The following RFX3 variants were observed in gnomAD, a reference collection of about 807,000 sequenced individuals.
RFX3 encodes the protein regulatory factor X3.
A neutral mutation model predicts 98.6 loss-of-function variants in RFX3; 14 were observed. That is an observed-to-expected ratio of 0.14 (90% CI 0.09 to 0.22). The LOEUF (loss-of-function observed/expected upper bound fraction) is 0.22. RFX3 is among the 10% of genes least tolerant of loss of function. RFX3 has a pLI of 1.00. For synonymous variants in RFX3, 383 were observed against 328.4 expected, an observed-to-expected ratio of 1.17 and a Z score of -1.80; for missense variants, 639 against 926.9, an observed-to-expected ratio of 0.69 and a Z score of 4.03.
intron 4 of RFX3, among the ~76,000 whole-genome samples, chr9:3,307,920 T>C (rs1412250471): frequency 6.6e-6 from 1 of 152,126 alleles, no homozygotes; most frequent in Non-Finnish European, 1.5e-5. Context: ...TTTTTTAAAA[T>C]CTTCTTCTGC....
chr9:3,264,980 T>C (rs897176767), intron 12 of RFX3, among the ~76,000 whole-genome samples: 5 of 152,180 alleles, frequency 3.3e-5, no homozygotes, highest in Non-Finnish European at 7.3e-5. Flanking sequence ...TGAAAAGGAT[T>C]CCTTGACCAT....
intron 1 of RFX3, among the ~76,000 whole-genome samples, chr9:3,437,594 G>A (rs12115798): frequency 0.08 from 12,144 of 152,094 alleles, 526 homozygotes; most frequent in East Asian, 0.11. Flanking sequence ...TTCAGTACTA[G>A]GCCAGGGTTC....
chr9:3,520,516 C>A (rs1413617934), intron 1 of RFX3, among the ~76,000 whole-genome samples: 1 of 152,132 alleles, frequency 6.6e-6, no homozygotes, highest in African/African-American at 2.4e-5. Context: ...AAAAATCTCT[C>A]ACTGAACAAA....
At chr9:3,248,833 GTTA>G (rs991484721) in intron 14 of RFX3, among the ~76,000 whole-genome samples, 1 of 151,990 alleles carries the variant, frequency 6.6e-6, no homozygotes, top group African/African-American at 2.4e-5. Flanking sequence ...TAAGAAATGC[GTTA>G]TTTTTGAAAA....
At chr9:3,416,343 A>C (rs1842978906) in intron 1 of RFX3, among the ~76,000 whole-genome samples, 1 of 152,186 alleles carries the variant, frequency 6.6e-6, no homozygotes, top group Non-Finnish European at 1.5e-5. Flanking sequence ...AAACAAGATT[A>C]CTAGAGTTCA....
In RFX3 at chr9:3,263,878, T is replaced by G. The variant is rs143083673; in HGVS notation, c.1456-794A>C. Among the ~76,000 whole-genome samples, 939 of 152,196 alleles carry G rather than the reference T, an allele frequency of 6.2e-3. 3 individuals carry two copies. The highest frequency in any genetic ancestry group is 9.9e-3 in the Non-Finnish European group (671 of 68,016). On this transcript the variant is annotated intron_variant, in intron 12 of 16. Coordinates refer to ENST00000617270, the MANE Select transcript of RFX3 (RefSeq NM_001282116.2). ...TGGGAAGAAAGAGCGGTTACCAGGG[T>G]ACTTATTCACTGCAACCTCTGCTTG...
intron 1 of RFX3, among the ~76,000 whole-genome samples, chr9:3,419,583 T>C (rs1001206454): frequency 2.0e-5 from 3 of 152,164 alleles, no homozygotes; most frequent in African/African-American, 7.2e-5. Flanking sequence ...CCTGCTGTAC[T>C]CTTCTGAGAA....
intron 1 of RFX3, among the ~76,000 whole-genome samples, chr9:3,457,037 A>G (rs1847232341): frequency 6.8e-6 from 1 of 146,156 alleles, no homozygotes; most frequent in African/African-American, 2.5e-5. Context: ...GCTACTTGGG[A>G]GGCTAAGGCA....
intron 2 of RFX3, among the ~76,000 whole-genome samples, chr9:3,383,038 A>T (rs147079038): frequency 6.6e-6 from 1 of 152,144 alleles, no homozygotes; most frequent in Non-Finnish European, 1.5e-5. Flanking sequence ...TATTTATTTT[A>T]AAATGTTCTT....
intron 1 of RFX3, among the ~76,000 whole-genome samples, chr9:3,468,815 GA>G (rs34057815): frequency 0.21 from 17,673 of 84,188 alleles, 1,225 homozygotes; most frequent in East Asian, 0.51. Context: ...TTTTCCTTTT[GA>G]AAAAAAAAAA....
intron 1 of RFX3, among the ~76,000 whole-genome samples, chr9:3,396,108 A>C (rs1179465988): frequency 1.3e-5 from 2 of 151,576 alleles, no homozygotes; most frequent in Non-Finnish European, 2.9e-5. Flanking sequence ...TTACATATGT[A>C]TACGTGTGCC....
intron 13 of RFX3, among the ~76,000 whole-genome samples, chr9:3,261,869 G>A (rs1177293184): frequency 6.6e-6 from 1 of 152,108 alleles, no homozygotes; most frequent in East Asian, 1.9e-4. Context: ...GTACCTCGCT[G>A]TGGTTTTGAC....
At position 3,275,496 on chromosome 9, in the gene RFX3, T is replaced by A; in HGVS notation, c.1086+4A>T. 1 of 1,527,934 alleles carries A rather than the reference T, an allele frequency of 6.5e-7. No individual in the cohort carries two copies. The highest frequency in any genetic ancestry group is 1.1e-5 in the South Asian group (1 of 89,160). 94.6% of individuals were successfully genotyped at this position (1,527,934 alleles called of 1,614,324 possible). On this transcript the variant is annotated splice_donor_region_variant and intron_variant, in intron 9 of 16. Transcript: ENST00000617270. The stretch of plus-strand genomic sequence containing the variant: ...GTGTTCATACTACATTTGAAAAGAC[T>A]TACCTCACAGTGCTCTCTATAAAGA...
intron 2 of RFX3, among the ~76,000 whole-genome samples, chr9:3,368,868 A>C (rs1010281007): frequency 7.9e-5 from 12 of 152,210 alleles, no homozygotes; most frequent in African/African-American, 2.4e-4. Flanking sequence ...CCTTGCAAAA[A>C]CAGTGGTAAT....
chr9:3,406,886 TAAAG>T (rs1310787453), intron 1 of RFX3, among the ~76,000 whole-genome samples: 1 of 152,168 alleles, frequency 6.6e-6, no homozygotes, highest in Non-Finnish European at 1.5e-5. Context: ...TTTTTTAAAA[TAAAG>T]AAACAAGATA....
At chr9:3,470,176 A>G (rs913720497) in intron 1 of RFX3, among the ~76,000 whole-genome samples, 1 of 152,242 alleles carries the variant, frequency 6.6e-6, no homozygotes, top group African/African-American at 2.4e-5. Flanking sequence ...GTAGGTTAAA[A>G]CAACAACAAA....
intron 1 of RFX3, among the ~76,000 whole-genome samples, chr9:3,524,186 C>G (rs887304702): frequency 9.9e-5 from 15 of 152,044 alleles, no homozygotes. Context: ...CATTCATTAT[C>G]AAAACTCTAC....
intron 1 of RFX3, among the ~76,000 whole-genome samples, chr9:3,411,226 A>T (rs34123151): frequency 0.087 from 13,218 of 152,228 alleles, 671 homozygotes; most frequent in African/African-American, 0.14. Flanking sequence ...TTTACTCAAC[A>T]ATGAATACAT....
intron 1 of RFX3, among the ~76,000 whole-genome samples, chr9:3,467,907 T>C (rs895278453): frequency 6.6e-6 from 1 of 152,144 alleles, no homozygotes; most frequent in Non-Finnish European, 1.5e-5. Context: ...TCACAGAGCA[T>C]CATGCAGCAG....
Sources: gnomAD v4.1 joint callset for allele counts (sites outside exome capture counted in the v4.1 genomes callset) on GRCh38, gnomAD v4.1.1 for gene constraint, MANE v1.5 for transcripts, NCBI Gene and HGNC (gene_info 2026-07-23, HGNC 2026-07-21) for gene names.